Variants in RAI1 observed in about 807,000 individuals in gnomAD.
The protein encoded by RAI1 is retinoic acid-induced protein 1.
RAI1 carries 9 observed loss-of-function variants against 123.8 expected under a neutral mutation model. The ratio of observed to expected loss-of-function variants is 0.07; its 90% CI spans 0.04 to 0.13. The LOEUF (loss-of-function observed/expected upper bound fraction) is 0.13. Ranked by LOEUF, RAI1 falls within the 10% of genes least tolerant of loss-of-function variation. The probability of loss-of-function intolerance (pLI) is 1.00; values close to 1 mark genes in which losing one functional copy is unlikely to be tolerated. For synonymous variants in RAI1, 1,231 were observed against 1,127.3 expected (o/e 1.09, Z -1.84); for missense variants, 2,256 against 2,545.8 (o/e 0.89, Z 2.45).
At chr17:17,725,472 G>A (rs1916056683) in intron 2 of RAI1, among the ~76,000 whole-genome samples, 1 of 152,172 alleles carries the variant, frequency 6.6e-6, no homozygotes. Flanking sequence ...TTGAGGCCAT[G>A]GGAAGGGAAT....
chr17:17,802,099 T>TTCAC (rs1170595615), intron 3 of RAI1: 1 of 471,046 alleles, frequency 2.1e-6, no homozygotes, highest in Non-Finnish European at 4.4e-6. Flanking sequence ...TCAGGTTTGC[T>TTCAC]TCACTCTTCC....
chr17:17,695,293 A>G (rs1420833161), intron 1 of RAI1, among the ~76,000 whole-genome samples: 2 of 151,976 alleles, frequency 1.3e-5, no homozygotes, highest in Non-Finnish European at 2.9e-5. Flanking sequence ...GGACCCTGCA[A>G]CCTCGGCCGG....
intron 1 of RAI1, among the ~76,000 whole-genome samples, chr17:17,698,145 C>T (rs185433520): frequency 3.9e-5 from 6 of 152,330 alleles, no homozygotes; most frequent in Admixed American, 3.9e-4. Flanking sequence ...GGCTCCTACT[C>T]CAGTGCGCTG....
intron 2 of RAI1, among the ~76,000 whole-genome samples, chr17:17,747,269 C>A (rs181400755): frequency 1.4e-3 from 213 of 152,150 alleles, no homozygotes; most frequent in African/African-American, 5.0e-3. Context: ...CTCCCCAAAC[C>A]CCTGGGGCTG....
intron 2 of RAI1, among the ~76,000 whole-genome samples, chr17:17,736,908 T>G (rs1408058482): frequency 6.6e-6 from 1 of 152,188 alleles, no homozygotes; most frequent in African/African-American, 2.4e-5. Context: ...AGGGCACTTC[T>G]GAAGATGAGG....
chr17:17,768,051 T>G (rs573874394), intron 2 of RAI1, among the ~76,000 whole-genome samples: 1 of 152,354 alleles, frequency 6.6e-6, no homozygotes, highest in East Asian at 1.9e-4. Context: ...TAGCATATAA[T>G]AAGTGCTCAG....
intron 2 of RAI1, among the ~76,000 whole-genome samples, chr17:17,752,620 GC>G (rs1268257308): frequency 6.6e-6 from 1 of 152,196 alleles, no homozygotes; most frequent in Non-Finnish European, 1.5e-5. Context: ...CTAGGCCAGC[GC>G]CCCCTAATCC....
chr17:17,742,418 A>C (rs1916670640), intron 2 of RAI1, among the ~76,000 whole-genome samples: 1 of 151,952 alleles, frequency 6.6e-6, no homozygotes, highest in Admixed American at 6.6e-5. Flanking sequence ...TCTTGGTTTG[A>C]ATGAATGAAT....
chr17:17,810,853 C>G lies in RAI1; in HGVS notation c.*872C>G. The stretch of plus-strand genomic sequence containing the variant: ...GCACCACCAGGGACCGCCGCGCCTA[C>G]TCTGCACGGGAGCAGGGACAGCGCT... On this transcript the variant is annotated 3_prime_UTR_variant, in exon 6 of 6. Coordinates refer to ENST00000353383, the MANE Select transcript of RAI1 (RefSeq NM_030665.4). The surrounding 1 kb of genome is among the most constrained non-coding windows in gnomAD (Gnocchi z 4.6). 2.2e-6 allele frequency: 1 copy of G among 450,280 alleles called. No individual in the cohort carries two copies. Among genetic ancestry groups the G allele is most frequent in the Non-Finnish European group, 4.5e-6 (1 of 222,110 alleles). 27.9% of individuals were successfully genotyped at this position (450,280 alleles called of 1,614,324 possible).
intron 1 of RAI1, among the ~76,000 whole-genome samples, chr17:17,701,503 A>G (rs1391729352): frequency 1.3e-5 from 2 of 152,124 alleles, no homozygotes; most frequent in African/African-American, 4.8e-5. Context: ...AGGGAAGGAA[A>G]ACGGAAGAGG....
At chr17:17,747,917 T>A (rs1292634825) in intron 2 of RAI1, among the ~76,000 whole-genome samples, 1 of 152,092 alleles carries the variant, frequency 6.6e-6, no homozygotes, top group African/African-American at 2.4e-5. Context: ...TTTAAAAAAT[T>A]AGCTGAGCAT....
At chr17:17,791,124 C>T (rs543280393) in intron 2 of RAI1, among the ~76,000 whole-genome samples, 107 of 152,230 alleles carry the variant, frequency 7.0e-4, no homozygotes, top group African/African-American at 2.3e-3. Context: ...GGGCTCGCCT[C>T]GTGGGAAAGT....
At chr17:17,723,524 C>T (rs1167663136) in intron 1 of RAI1, among the ~76,000 whole-genome samples, 3 of 151,852 alleles carry the variant, frequency 2.0e-5, no homozygotes, top group African/African-American at 7.2e-5. Flanking sequence ...CGCCTGCGCG[C>T]GCGCGCACTC....
At chr17:17,684,329 C>G (rs2142851050) in intron 1 of RAI1, 1 of 152,136 alleles carries the variant, frequency 6.6e-6, no homozygotes, top group Admixed American at 6.5e-5. Context: ...GTCTGCTGGT[C>G]TGTAATCCTT....
intron 2 of RAI1, among the ~76,000 whole-genome samples, chr17:17,757,425 C>T (rs1477299791): frequency 6.6e-6 from 1 of 152,192 alleles, no homozygotes; most frequent in East Asian, 1.9e-4. Context: ...AGTTCAATTC[C>T]AGTAACCCCA....
Position 17,794,405 on chromosome 17 carries a change from G to A in RAI1, c.1457G>A (p.Ser486Asn), listed in dbSNP as rs781515018. 1 of 1,613,094 alleles carries A rather than the reference G, an allele frequency of 6.2e-7. No homozygotes were observed. Among genetic ancestry groups the A allele is most frequent in the Non-Finnish European group, 8.5e-7 (1 of 1,180,046 alleles). Reference protein sequence around the residue: ...HKSQHCSPEGSGYSAEPAGTP... With the variant: ...HKSQHCSPEGNGYSAEPAGTP... ...AGCCAGCACTGCAGCCCCGAAGGGAGCGGCTACTCAGCCGAGCCCGCAGGC... is the reference window on the plus strand; with the variant it reads ...AGCCAGCACTGCAGCCCCGAAGGGAACGGCTACTCAGCCGAGCCCGCAGGC... The change falls in exon 3 of 6, where the codon AGC becomes AAC. Residue 486 changes from serine to asparagine, a missense_variant. Ser to Asn is a conservative substitution (Grantham distance 46). Transcript: ENST00000353383.
intron 1 of RAI1, among the ~76,000 whole-genome samples, chr17:17,710,667 G>C (rs1184831847): frequency 6.6e-6 from 1 of 152,242 alleles, no homozygotes; most frequent in Non-Finnish European, 1.5e-5. Context: ...GCTACCCAAG[G>C]ACTGGCCCCC....
At chr17:17,695,651 C>G (rs936989804) in intron 1 of RAI1, among the ~76,000 whole-genome samples, 1 of 152,118 alleles carries the variant, frequency 6.6e-6, no homozygotes. Context: ...CTCAGCCTCC[C>G]GAGTAGCTGA....
At chr17:17,744,064 C>A (rs1270189152) in intron 2 of RAI1, among the ~76,000 whole-genome samples, 2 of 152,246 alleles carry the variant, frequency 1.3e-5, no homozygotes, top group African/African-American at 4.8e-5. Context: ...GAGGCTTTGC[C>A]TACAGACCTG....
Sources: gnomAD v4.1 joint callset for allele counts (sites outside exome capture counted in the v4.1 genomes callset) on GRCh38, gnomAD v4.1.1 for gene constraint, Gnocchi (gnomAD v3.1) non-coding constraint, MANE v1.5 for transcripts, NCBI Gene and HGNC (gene_info 2026-07-23, HGNC 2026-07-21) for gene names.